SLC2A1: variants seen among roughly 807,000 people sequenced by gnomAD.
SLC2A1 encodes the protein solute carrier family 2 member 1.
In SLC2A1, 4 loss-of-function variants were observed where a neutral mutation model predicts 46.6. That is an observed-to-expected ratio of 0.09 (90% confidence interval 0.04 to 0.20). SLC2A1 has a LOEUF of 0.20. SLC2A1 is among the 10% of genes least tolerant of loss of function. SLC2A1 has a pLI of 1.00. For synonymous variants in SLC2A1, 253 were observed against 270.0 expected (o/e 0.94, Z 0.62); for missense variants, 352 against 667.0 (o/e 0.53, Z 5.20).
chr1:42,930,321 A>G lies in SLC2A1; in HGVS notation c.517-286T>C. ...TCTGCCACAAGAGGGTTTTGGGGAC[A>G]GGGAAGGGGAAGCCTCCTGGAGAGA... is the stretch of plus-strand genomic sequence containing the variant. On this transcript the variant is annotated intron_variant, in intron 4 of 9. Coordinates refer to ENST00000426263, the MANE Select transcript of SLC2A1 (RefSeq NM_006516.4). This position sits in a 1 kb window ranked among gnomAD's most constrained non-coding sequence, Gnocchi z 6.2. 4.8e-6 allele frequency: 3 copies of G among 625,802 alleles called. No individual in the cohort carries two copies. Among genetic ancestry groups the G allele is most frequent in the Non-Finnish European group, 5.8e-6 (2 of 347,496 alleles). 38.8% of individuals were successfully genotyped at this position (625,802 alleles called of 1,614,324 possible). A position where few individuals can be genotyped will look rare whatever the true frequency, so the allele number is the denominator to read the frequency against.
Position 42,930,077 on chromosome 1 carries a change from C to G in SLC2A1, c.517-42G>C. The G allele has an allele frequency of 6.2e-7, 1 of 1,610,512 alleles. No individual in the cohort carries two copies. Reference sequence around the variant, plus strand: ...CCGTGAGCGCCTCTGCCCTGACCCCCTTTCCCACCCCGTCCTGCCAGAGTG... The same window carrying G: ...CCGTGAGCGCCTCTGCCCTGACCCCGTTTCCCACCCCGTCCTGCCAGAGTG... On this transcript the variant is annotated intron_variant, in intron 4 of 9. Coordinates refer to ENST00000426263, the MANE Select transcript of SLC2A1 (RefSeq NM_006516.4). This position sits in a 1 kb window ranked among gnomAD's most constrained non-coding sequence, Gnocchi z 6.2.
intron 1 of SLC2A1, among the ~76,000 whole-genome samples, chr1:42,953,155 G>GCT (rs1257653909): frequency 6.6e-6 from 1 of 152,252 alleles, no homozygotes; most frequent in Non-Finnish European, 1.5e-5. Context: ...GGCCTCAGTA[G>GCT]CCAAAGGCTC....
Position 42,946,027 on chromosome 1 carries a change from T to G in SLC2A1, c.19-2706A>C, listed in dbSNP as rs117796443. Among the ~76,000 whole-genome samples, 268 of 152,278 alleles carry G rather than the reference T, an allele frequency of 1.8e-3. 2 individuals carry two copies. In the East Asian group the frequency reaches 0.037, roughly 21 times the overall value. ...TGGCAAAAATTATGTTGGTAGAGCA[T>G]GAGTGAATGACACTGGCTATGTGAG... On this transcript the variant is annotated intron_variant, in intron 1 of 9. Transcript: ENST00000426263.
chr1:42,926,603 G>A lies in SLC2A1; in HGVS notation c.*438C>T. ...ACGGGTGGCCATAGCCACCTCCTGGGATAGAAGCTTTGTAGTTCATAGTTC... is the reference window on the plus strand; with the variant it reads ...ACGGGTGGCCATAGCCACCTCCTGGAATAGAAGCTTTGTAGTTCATAGTTC... On this transcript the variant is annotated 3_prime_UTR_variant, in exon 10 of 10. Transcript: ENST00000426263. 1.1e-6 allele frequency: 1 copy of A among 933,260 alleles called. No homozygotes were observed. The highest frequency in any genetic ancestry group is 1.5e-6 in the Non-Finnish European group (1 of 683,748). 57.8% of individuals were successfully genotyped at this position (933,260 alleles called of 1,614,324 possible).
At chr1:42,938,773 A>G (rs1232730795) in intron 2 of SLC2A1, among the ~76,000 whole-genome samples, 1 of 152,108 alleles carries the variant, frequency 6.6e-6, no homozygotes, top group African/African-American at 2.4e-5. Context: ...CTCCTGCCCT[A>G]TGAGGTCAAC....
At position 42,929,131 on chromosome 1, in the gene SLC2A1, C is replaced by T. The variant is rs1395046792; in HGVS notation, c.972+79G>A. 6.4e-7 allele frequency: 1 copy of T among 1,556,202 alleles called. No homozygotes were observed. Among genetic ancestry groups the T allele is most frequent in the Middle Eastern group, 1.7e-4 (1 of 5,968 alleles). On this transcript the variant is annotated intron_variant, in intron 7 of 9. Coordinates refer to ENST00000426263, the MANE Select transcript of SLC2A1 (RefSeq NM_006516.4). The surrounding 1 kb of genome is among the most constrained non-coding windows in gnomAD (Gnocchi z 6.0). ...CTCAAGAGCTGAGAAAGTCACAGGGCACTGCAAAGACCAGTGGGGAAGATG... is the reference window on the plus strand; with the variant it reads ...CTCAAGAGCTGAGAAAGTCACAGGGTACTGCAAAGACCAGTGGGGAAGATG...
At chr1:42,952,257 G>T (rs568467618) in intron 1 of SLC2A1, 1 of 409,492 alleles carries the variant, frequency 2.4e-6, no homozygotes, top group East Asian at 6.3e-5. Flanking sequence ...CAGTGAAAAT[G>T]AGGATCAGGA....
chr1:42,951,572 AAAGAG>A (rs1643720763), intron 1 of SLC2A1: 1 of 344,144 alleles, frequency 2.9e-6, no homozygotes, highest in Non-Finnish European at 5.2e-6. Context: ...ACACATGCAC[AAAGAG>A]AAGTCTTTAG....
chr1:42,948,662 C>T lies in SLC2A1; in HGVS notation c.19-5341G>A, dbSNP rs534477390. ...AGAACCTCAAGGCTGGGCGCGGTGG[C>T]TTACACCTATAATCCCAGCACTCTG... On this transcript the variant is annotated intron_variant, in intron 1 of 9. Transcript: ENST00000426263. Among the ~76,000 whole-genome samples, 605 of 152,292 alleles carry T rather than the reference C, an allele frequency of 4.0e-3. 7 individuals are homozygous for T. The highest frequency in any genetic ancestry group is 0.014 in the African/African-American group (577 of 41,558).
Position 42,944,628 on chromosome 1 carries a change from C to T in SLC2A1, c.19-1307G>A, listed in dbSNP as rs200733325. Among the ~76,000 whole-genome samples, 3 of 151,948 alleles carry T rather than the reference C, an allele frequency of 2.0e-5. 1 individual carries two copies. The highest frequency in any genetic ancestry group is 7.3e-5 in the African/African-American group (3 of 41,330). ...GTATGGTCTTTTCATTCTCTGAAAGCGTCAGTCAGGGCAACGACTGCAAAA... is the reference window on the plus strand; with the variant it reads ...GTATGGTCTTTTCATTCTCTGAAAGTGTCAGTCAGGGCAACGACTGCAAAA... On this transcript the variant is annotated intron_variant, in intron 1 of 9. Transcript: ENST00000426263.
At chr1:42,945,175 C>CA (rs1357079143) in intron 1 of SLC2A1, among the ~76,000 whole-genome samples, 1 of 152,156 alleles carries the variant, frequency 6.6e-6, no homozygotes, top group Non-Finnish European at 1.5e-5. Flanking sequence ...TCATGGGATG[C>CA]AAAGTATATA....
intron 2 of SLC2A1, among the ~76,000 whole-genome samples, chr1:42,942,680 T>G (rs1423255986): frequency 6.6e-6 from 1 of 152,022 alleles, no homozygotes; most frequent in East Asian, 1.9e-4. Context: ...TGGATGGGTA[T>G]GAGTGCAGGC....
rs748896100 is a variant in SLC2A1 at position 42,930,564 on chromosome 1, C to T, written c.516+62G>A. 72 of 1,605,040 alleles carry T rather than the reference C, an allele frequency of 4.5e-5. No individual in the cohort carries two copies. Among genetic ancestry groups the T allele is most frequent in the East Asian group, 9.0e-5 (4 of 44,492 alleles). On this transcript the variant is annotated intron_variant, in intron 4 of 9. Coordinates refer to ENST00000426263, the MANE Select transcript of SLC2A1 (RefSeq NM_006516.4). The surrounding 1 kb of genome is among the most constrained non-coding windows in gnomAD (Gnocchi z 6.2). Reference sequence around the variant, plus strand: ...AACTCTGCCCTGCTGGGCACAGATCCGAGAGCCACTGAAGCTGTGGGCAGG... The same window carrying T: ...AACTCTGCCCTGCTGGGCACAGATCTGAGAGCCACTGAAGCTGTGGGCAGG...
At position 42,958,387 on chromosome 1, in the gene SLC2A1, C is replaced by A. The variant is rs537325442; in HGVS notation, c.18+247G>T. 3.3e-5 allele frequency among the ~76,000 whole-genome samples: 5 copies of A among 150,864 alleles called. No homozygotes were observed. In the South Asian group the frequency reaches 1.0e-3, roughly 31 times the overall value. ...CGCCCCCGGAAGGAGGCCATGTGCT[C>A]AGTGCCGGCGCCAACTACGCACGCG... On this transcript the variant is annotated intron_variant, in intron 1 of 9. Coordinates refer to ENST00000426263, the MANE Select transcript of SLC2A1 (RefSeq NM_006516.4).
At position 42,929,457 on chromosome 1, in the gene SLC2A1, CT is replaced by C; in HGVS notation, c.867+135del. 1 of 1,107,250 alleles carries C rather than the reference CT, an allele frequency of 9.0e-7. No homozygotes were observed. The highest frequency in any genetic ancestry group is 1.4e-6 in the Non-Finnish European group (1 of 733,928). 68.6% of individuals were successfully genotyped at this position (1,107,250 alleles called of 1,614,324 possible). ...AGAAGGGACACTGCACTGCAGTGAC[CT>C]TACGGGCTTGGGGTCTAAAGGGAAA... On this transcript the variant is annotated intron_variant, in intron 6 of 9. Coordinates refer to ENST00000426263, the MANE Select transcript of SLC2A1 (RefSeq NM_006516.4). This position sits in a 1 kb window ranked among gnomAD's most constrained non-coding sequence, Gnocchi z 6.0.
At chr1:42,943,558 TTC>T (rs1488136032) in intron 1 of SLC2A1, among the ~76,000 whole-genome samples, 1 of 152,046 alleles carries the variant, frequency 6.6e-6, no homozygotes, top group Non-Finnish European at 1.5e-5. Flanking sequence ...AAGTATGATC[TTC>T]TCTCTCTGTA....
intron 2 of SLC2A1, among the ~76,000 whole-genome samples, chr1:42,933,739 G>A (rs1434477493): frequency 1.3e-5 from 2 of 151,554 alleles, no homozygotes; most frequent in Non-Finnish European, 2.9e-5. Flanking sequence ...GATAAATGGC[G>A]CTTGCCCTTC....
intron 1 of SLC2A1, among the ~76,000 whole-genome samples, chr1:42,957,094 T>C (rs1643784424): frequency 6.6e-6 from 1 of 152,202 alleles, no homozygotes; most frequent in Admixed American, 6.5e-5. Flanking sequence ...GATAGTTCCT[T>C]CCCTAGAGGA....
chr1:42,950,997 A>C (rs1185616589), intron 1 of SLC2A1, among the ~76,000 whole-genome samples: 2 of 152,214 alleles, frequency 1.3e-5, no homozygotes, highest in Non-Finnish European at 2.9e-5. Context: ...TCTTCCTCTA[A>C]GCTTCAGTTA....
Sources: allele counts gnomAD v4.1 joint callset (sites outside exome capture counted in the v4.1 genomes callset), GRCh38; gene constraint gnomAD v4.1.1; non-coding constraint Gnocchi (gnomAD v3.1); transcripts MANE v1.5; gene names NCBI Gene and HGNC (gene_info 2026-07-23, HGNC 2026-07-21).